CDH1: variants seen among roughly 807,000 people sequenced by gnomAD.
CDH1 encodes cadherin 1.
A neutral mutation model predicts 84.5 loss-of-function variants in CDH1; 35 were observed. The observed-to-expected ratio is 0.41, with a 90% confidence interval of 0.32 to 0.55. The LOEUF is 0.55. CDH1 is among the 20% of genes least tolerant of loss of function. CDH1 has a pLI of 0.19. For synonymous variants in CDH1, 417 were observed against 439.0 expected (o/e 0.95, Z 0.63); for missense variants, 994 against 1,126.6 (o/e 0.88, Z 1.68).
intron 2 of CDH1, among the ~76,000 whole-genome samples, chr16:68,762,934 A>G (rs1295956055): frequency 7.1e-6 from 1 of 140,676 alleles, no homozygotes; most frequent in East Asian, 2.1e-4. Context: ...AAAAAAAAAA[A>G]AAAAAAAAAG....
chr16:68,807,020 T>C (rs1960683803), intron 3 of CDH1, among the ~76,000 whole-genome samples: 1 of 152,238 alleles, frequency 6.6e-6, no homozygotes, highest in Admixed American at 6.5e-5. Flanking sequence ...TGTGAGTTTT[T>C]ATGTGGAGGG....
intron 2 of CDH1, among the ~76,000 whole-genome samples, chr16:68,755,620 T>A (rs2084733642): frequency 6.6e-6 from 1 of 152,106 alleles, no homozygotes; most frequent in African/African-American, 2.4e-5. Flanking sequence ...TTATTTATCT[T>A]TCTCTTTTGA....
chr16:68,745,485 G>C (rs1264844770), intron 2 of CDH1, among the ~76,000 whole-genome samples: 1 of 139,230 alleles, frequency 7.2e-6, no homozygotes, highest in African/African-American at 2.7e-5. Flanking sequence ...CGAGGCTGCA[G>C]TAAGCCATGA....
At position 68,813,387 on chromosome 16, in the gene CDH1, C is replaced by T. The variant is rs2152133441; in HGVS notation, c.1212C>T (p.Pro404=). 1 of 1,614,116 alleles carries T rather than the reference C, an allele frequency of 6.2e-7. No individual in the cohort carries two copies. The highest frequency in any genetic ancestry group is 8.5e-7 in the Non-Finnish European group (1 of 1,180,014). ...TTLKVTDADA[P]NTPAWEAVYT... ...TGAAAGTGACTGATGCTGATGCCCC[C>T]AATACCCCAGCGTGGGAGGCTGTAT... Residue 404 remains proline (P), a synonymous_variant, in exon 9 of 16, where the codon CCC becomes CCT. Transcript: ENST00000261769.
intron 2 of CDH1, among the ~76,000 whole-genome samples, chr16:68,753,883 G>A (rs567437337): frequency 6.6e-6 from 1 of 152,122 alleles, no homozygotes; most frequent in East Asian, 1.9e-4. Flanking sequence ...TTGGGAGGCT[G>A]AGGCAGGCGG....
rs562446768 is a variant in CDH1 at position 68,818,972 on chromosome 16, C to T, written c.1566-308C>T. On this transcript the variant is annotated intron_variant, in intron 10 of 15. Coordinates refer to ENST00000261769, the MANE Select transcript of CDH1 (RefSeq NM_004360.5). ...CCAGGTTCAAACGATTCTCCTGCCT[C>T]ACCCTCCCCAGTAGCTGGGATTACA... Among the ~76,000 whole-genome samples the T allele has an allele frequency of 2.0e-5, 3 of 152,170 alleles. No individual in the cohort carries two copies. In the East Asian group the frequency reaches 5.8e-4, roughly 29 times the overall value.
At chr16:68,808,640 C>G (rs368045889) in intron 4 of CDH1, 53 bp from the exon 5 acceptor site, 1 of 1,612,556 alleles carries the variant, frequency 6.2e-7, no homozygotes. Context: ...AGGGAAAAGA[C>G]CCAGTGTTGG....
intron 2 of CDH1, among the ~76,000 whole-genome samples, chr16:68,746,906 G>A (rs1962759730): frequency 6.6e-6 from 1 of 152,130 alleles, no homozygotes; most frequent in African/African-American, 2.4e-5. Context: ...CGGAGATTGT[G>A]CCATTGCACT....
At chr16:68,768,683 A>G (rs964476754) in intron 2 of CDH1, among the ~76,000 whole-genome samples, 2 of 152,228 alleles carry the variant, frequency 1.3e-5, no homozygotes, top group Non-Finnish European at 2.9e-5. Context: ...GGGAGATACC[A>G]TCTCTTAATA....
chr16:68,806,577 T>C (rs1272504890), intron 3 of CDH1, among the ~76,000 whole-genome samples: 1 of 152,224 alleles, frequency 6.6e-6, no homozygotes, highest in Non-Finnish European at 1.5e-5. Context: ...TATTGAGCAC[T>C]TACTATGTTT....
intron 10 of CDH1, 148 bp from the exon 11 acceptor site, chr16:68,819,132 A>T (rs1375274010): frequency 3.7e-6 from 3 of 812,642 alleles, no homozygotes; most frequent in Non-Finnish European, 6.0e-6. Context: ...TTGGGATTAC[A>T]GGCATGAGCC....
intron 2 of CDH1, among the ~76,000 whole-genome samples, chr16:68,783,605 A>G (rs1451919509): frequency 1.3e-5 from 2 of 152,144 alleles, no homozygotes; most frequent in Admixed American, 1.3e-4. Flanking sequence ...TGCTCTTTAA[A>G]GACAGATTCT....
chr16:68,800,198 A>G (rs930579196), intron 2 of CDH1, among the ~76,000 whole-genome samples: 2 of 151,952 alleles, frequency 1.3e-5, no homozygotes, highest in Non-Finnish European at 2.9e-5. Context: ...TTAAAAAAAA[A>G]AAAACCAAGG....
chr16:68,823,032 C>T, intron 12 of CDH1: 1 of 297,260 alleles, frequency 3.4e-6, no homozygotes, highest in Non-Finnish European at 6.4e-6. Context: ...GACCACCTGA[C>T]CAACCTTCAC....
intron 2 of CDH1, among the ~76,000 whole-genome samples, chr16:68,783,998 A>T (rs1338449467): frequency 2.0e-5 from 3 of 152,036 alleles, no homozygotes; most frequent in Non-Finnish European, 4.4e-5. Context: ...TAATTTTTGC[A>T]TCATTTTCCA....
At chr16:68,771,807 G>A (rs1048242642) in intron 2 of CDH1, among the ~76,000 whole-genome samples, 2 of 151,872 alleles carry the variant, frequency 1.3e-5, no homozygotes, top group African/African-American at 4.8e-5. Flanking sequence ...GCCCAGGCTG[G>A]TCTCAAATAC....
intron 3 of CDH1, among the ~76,000 whole-genome samples, chr16:68,803,160 G>A (rs1421329368): frequency 6.6e-6 from 1 of 152,162 alleles, no homozygotes; most frequent in Non-Finnish European, 1.5e-5. Context: ...CAGTAAGATT[G>A]GCATCTTCTT....
chr16:68,804,447 C>T (rs553300223), intron 3 of CDH1, among the ~76,000 whole-genome samples: 22 of 152,074 alleles, frequency 1.4e-4, no homozygotes, highest in Non-Finnish European at 2.4e-4. Flanking sequence ...GTGGAATTCT[C>T]CACAAGCAAC....
In CDH1 at chr16:68,801,581, A is replaced by G. The variant is rs1960499570; in HGVS notation, c.164-89A>G. On this transcript the variant is annotated intron_variant, in intron 2 of 15. Coordinates refer to ENST00000261769, the MANE Select transcript of CDH1 (RefSeq NM_004360.5). ...TTTTGGTTGTGTTTGGTTTTGTGGG[A>G]GTCTTCCCACAAGTTCGCTCTTTGG... 7 of 1,027,854 alleles carry G rather than the reference A, an allele frequency of 6.8e-6. No individual in the cohort carries two copies. The East Asian group carries it at 1.7e-4, about 24-fold the overall frequency. The allele number at this position is 1,027,854 out of a possible 1,614,324, so 63.7% of individuals were successfully genotyped here. A position where few individuals can be genotyped will look rare whatever the true frequency, so the allele number is the denominator to read the frequency against.
Sources: allele counts gnomAD v4.1 joint callset (sites outside exome capture counted in the v4.1 genomes callset), GRCh38; gene constraint gnomAD v4.1.1; transcripts MANE v1.5; gene names NCBI Gene and HGNC (gene_info 2026-07-23, HGNC 2026-07-21).